Variants in PRKCA observed in about 807,000 individuals in gnomAD.
PRKCA encodes protein kinase C alpha type.
Under a neutral mutation model 87.0 loss-of-function variants are expected in PRKCA, and 27 were observed. The observed-to-expected ratio is 0.31, with a 90% CI of 0.23 to 0.43. PRKCA has a LOEUF of 0.43. Ranked by LOEUF, PRKCA falls within the 20% of genes least tolerant of loss-of-function variation. The pLI, the probability that PRKCA is intolerant of heterozygous loss-of-function variation, is 1.00. For missense variants in PRKCA, 518 were observed against 852.3 expected (o/e 0.61, Z 4.88); for synonymous variants, 329 against 311.1 (o/e 1.06, Z -0.61).
At chr17:66,724,251 G>A (rs1241938008) in intron 8 of PRKCA, among the ~76,000 whole-genome samples, 4 of 151,362 alleles carry the variant, frequency 2.6e-5, no homozygotes, top group African/African-American at 9.7e-5. Flanking sequence ...AGCCAAGATC[G>A]CGCCACTGTA....
intron 8 of PRKCA, among the ~76,000 whole-genome samples, chr17:66,691,081 C>T (rs4404110): frequency 0.17 from 26,383 of 151,792 alleles, 2,324 homozygotes; most frequent in East Asian, 0.27. Flanking sequence ...GCAGAGGTTA[C>T]AGTGAGCCAA....
At chr17:66,340,691 T>A (rs1384190114) in intron 2 of PRKCA, among the ~76,000 whole-genome samples, 3 of 152,224 alleles carry the variant, frequency 2.0e-5, no homozygotes, top group Non-Finnish European at 2.9e-5. Context: ...AATTGGATGC[T>A]GTTGTGTTCT....
At chr17:66,704,448 C>CA (rs1041363374) in intron 8 of PRKCA, among the ~76,000 whole-genome samples, 7 of 152,224 alleles carry the variant, frequency 4.6e-5, no homozygotes, top group Non-Finnish European at 1.0e-4. Flanking sequence ...ACACATGGAG[C>CA]AAAAAAATAA....
At chr17:66,474,214 A>T (rs938310528) in intron 2 of PRKCA, among the ~76,000 whole-genome samples, 1 of 109,002 alleles carries the variant, frequency 9.2e-6, no homozygotes, top group African/African-American at 5.3e-5. Context: ...ACACACCCAG[A>T]TGGGGAGGAA....
chr17:66,490,479 G>A (rs899189161), intron 2 of PRKCA, among the ~76,000 whole-genome samples: 5 of 152,070 alleles, frequency 3.3e-5, no homozygotes, highest in Non-Finnish European at 7.4e-5. Context: ...AAGTAGTTGG[G>A]ATTACAGGTG....
intron 8 of PRKCA, among the ~76,000 whole-genome samples, chr17:66,717,032 A>G (rs1973494357): frequency 6.6e-6 from 1 of 152,212 alleles, no homozygotes; most frequent in African/African-American, 2.4e-5. Context: ...CATAGCAAGC[A>G]TTGTGGAAGA....
At chr17:66,374,452 G>A (rs1479064295) in intron 2 of PRKCA, among the ~76,000 whole-genome samples, 1 of 152,204 alleles carries the variant, frequency 6.6e-6, no homozygotes, top group East Asian at 1.9e-4. Context: ...CTCCTCTGCT[G>A]CTTACAGGGC....
At chr17:66,605,567 C>G (rs1255381493) in intron 3 of PRKCA, among the ~76,000 whole-genome samples, 4 of 152,098 alleles carry the variant, frequency 2.6e-5, no homozygotes, top group African/African-American at 9.7e-5. Flanking sequence ...GTTAAAGTTG[C>G]CATAAGACCC....
At chr17:66,607,984 G>C (rs1194606819) in intron 3 of PRKCA, among the ~76,000 whole-genome samples, 2 of 152,218 alleles carry the variant, frequency 1.3e-5, no homozygotes, top group Non-Finnish European at 2.9e-5. Flanking sequence ...GTTTTTACAA[G>C]TTTGGAACTT....
At chr17:66,352,060 G>C (rs950080652) in intron 2 of PRKCA, among the ~76,000 whole-genome samples, 1 of 152,166 alleles carries the variant, frequency 6.6e-6, no homozygotes, top group Non-Finnish European at 1.5e-5. Context: ...GAAGAATTTG[G>C]TTGGCCCAAT....
At chr17:66,554,611 C>T (rs1391131779) in intron 3 of PRKCA, 1 of 874,736 alleles carries the variant, frequency 1.1e-6, no homozygotes, top group African/African-American at 1.8e-5. Context: ...TTTTAAAGGA[C>T]TTTTTTTTGG....
intron 2 of PRKCA, among the ~76,000 whole-genome samples, chr17:66,372,916 G>A (rs1437201244): frequency 6.6e-6 from 1 of 152,102 alleles, no homozygotes; most frequent in African/African-American, 2.4e-5. Context: ...AATTAGCCGG[G>A]CTTGGTGGCG....
At chr17:66,602,290 G>A (rs534143810) in intron 3 of PRKCA, among the ~76,000 whole-genome samples, 9 of 119,262 alleles carry the variant, frequency 7.5e-5, no homozygotes, top group Admixed American at 6.2e-4. Context: ...TTCTTAAGCC[G>A]GTCTGAAAAG....
intron 4 of PRKCA, among the ~76,000 whole-genome samples, chr17:66,643,744 A>G (rs1035787006): frequency 3.3e-5 from 5 of 152,154 alleles, no homozygotes; most frequent in African/African-American, 7.2e-5. Flanking sequence ...TGCAACCCCT[A>G]CTGACCTTAA....
At chr17:66,732,640 T>TC (rs766958855) in intron 8 of PRKCA, 48 bp from the exon 9 acceptor site, 1 of 1,612,176 alleles carries the variant, frequency 6.2e-7, no homozygotes, top group Admixed American at 1.7e-5. Flanking sequence ...TGTCACTCTT[T>TC]CCCCAGAAAA....
At chr17:66,508,971 G>C (rs1917098088) in intron 3 of PRKCA, among the ~76,000 whole-genome samples, 1 of 152,154 alleles carries the variant, frequency 6.6e-6, no homozygotes, top group East Asian at 1.9e-4. Flanking sequence ...GGAGTCCTAA[G>C]GTCTGCCCCA....
intron 5 of PRKCA, among the ~76,000 whole-genome samples, chr17:66,658,742 G>A (rs903354244): frequency 1.3e-5 from 2 of 152,118 alleles, no homozygotes; most frequent in South Asian, 2.1e-4. Context: ...CTCCAGTCAC[G>A]TTAAGTCATG....
At chr17:66,333,401 A>T (rs139962013) in intron 2 of PRKCA, among the ~76,000 whole-genome samples, 5 of 152,344 alleles carry the variant, frequency 3.3e-5, no homozygotes, top group African/African-American at 1.2e-4. Context: ...CTGTTTTCTG[A>T]TAAATAGTTC....
At chr17:66,342,744 C>CA (rs942806618) in intron 2 of PRKCA, among the ~76,000 whole-genome samples, 2 of 151,898 alleles carry the variant, frequency 1.3e-5, no homozygotes, top group African/African-American at 4.8e-5. Flanking sequence ...AAGCATTGTT[C>CA]AAAAAAATTG....
Sources: allele counts gnomAD v4.1 joint callset (sites outside exome capture counted in the v4.1 genomes callset), GRCh38; gene constraint gnomAD v4.1.1; transcripts MANE v1.5; gene names NCBI Gene and HGNC (gene_info 2026-07-23, HGNC 2026-07-21).